EYS: variants seen among roughly 807,000 people sequenced by gnomAD.
The protein encoded by EYS is protein eyes shut homolog.
Under a neutral mutation model 282.1 loss-of-function variants are expected in EYS, and 250 were observed. The ratio of observed to expected loss-of-function variants is 0.89; its 90% confidence interval spans 0.80 to 0.98. The LOEUF is 0.98. Ranked by LOEUF, EYS falls within the 50% of genes least tolerant of loss-of-function variation. The probability of loss-of-function intolerance (pLI) is 0.00; values close to 1 mark genes in which losing one functional copy is unlikely to be tolerated. For missense variants in EYS, 4,016 were observed against 3,709.0 expected (o/e 1.08, Z -2.15); for synonymous variants, 1,355 against 1,282.9 (o/e 1.06, Z -1.20).
chr6:63,752,479 A>G (rs913907329), intron 41 of EYS, among the ~76,000 whole-genome samples: 4 of 148,862 alleles, frequency 2.7e-5, no homozygotes, highest in African/African-American at 1.0e-4. Context: ...CCAAGATAAC[A>G]TAATTGTTTA....
chr6:65,135,587 T>A (rs1372279402), intron 12 of EYS, among the ~76,000 whole-genome samples: 3 of 152,048 alleles, frequency 2.0e-5, no homozygotes, highest in Non-Finnish European at 4.4e-5. Context: ...TGGTTTAGCA[T>A]GAAAGTTTTC....
At chr6:63,927,084 G>C (rs1764737695) in intron 35 of EYS, among the ~76,000 whole-genome samples, 1 of 152,204 alleles carries the variant, frequency 6.6e-6, no homozygotes, top group African/African-American at 2.4e-5. Flanking sequence ...TGGAGTCATA[G>C]GAAAACTTGG....
intron 36 of EYS, among the ~76,000 whole-genome samples, chr6:63,863,663 CTTTTCTTTTTTCTTTTTTTT>C (rs1207438125): frequency 3.6e-5 from 2 of 55,792 alleles, no homozygotes; most frequent in Admixed American, 3.5e-4. Context: ...CTTTTCTTTT[CTTTTCTTTTTTCTTTTTTTT>C]TTTTTTTTTT....
At chr6:65,557,968 C>T (rs762933651) in intron 2 of EYS, among the ~76,000 whole-genome samples, 24 of 152,070 alleles carry the variant, frequency 1.6e-4, no homozygotes, top group Non-Finnish European at 2.9e-4. Flanking sequence ...GAAATCCATG[C>T]TGATTGGTTC....
intron 22 of EYS, among the ~76,000 whole-genome samples, chr6:64,641,753 C>G (rs1184595856): frequency 1.3e-5 from 2 of 152,076 alleles, no homozygotes; most frequent in Non-Finnish European, 1.5e-5. Flanking sequence ...GGTAAGGGAG[C>G]GTTACCTCCT....
chr6:64,912,602 A>AT lies in EYS; in HGVS notation c.2522dup (p.Tyr841Ter), dbSNP rs1186317535. ...GQFVCLCPPL[Y>*]TGQFCHQRYN... ...AGCGTTGGTGGCAAAATTGTCCAGT[A>AT]TAAAGGGGTGGGCACAGACATACAA... Residue 841 changes from tyrosine (Y) to a stop codon, truncating the protein, a stop_gained and frameshift_variant, in exon 16 of 43, where the codon TAT becomes TAAT. Coordinates refer to ENST00000503581, the MANE Select transcript of EYS (RefSeq NM_001142800.2). LOFTEE classifies it high-confidence loss of function. 6.4e-7 allele frequency: 1 copy of AT among 1,551,352 alleles called. No individual in the cohort carries two copies. The highest frequency in any genetic ancestry group is 2.4e-5 in the East Asian group (1 of 40,908).
At chr6:65,336,501 A>T (rs1315797229) in intron 10 of EYS, among the ~76,000 whole-genome samples, 3 of 151,630 alleles carry the variant, frequency 2.0e-5, no homozygotes, top group Admixed American at 6.6e-5. Context: ...ACAATTTTTT[A>T]AAATTCCATT....
chr6:64,181,701 A>C (rs1189344830), intron 31 of EYS, among the ~76,000 whole-genome samples: 1 of 152,064 alleles, frequency 6.6e-6, no homozygotes, highest in East Asian at 1.9e-4. Flanking sequence ...CCACTAAAAA[A>C]CGTGTTTTTT....
chr6:64,068,527 G>C (rs1771458582), intron 32 of EYS, among the ~76,000 whole-genome samples: 1 of 151,594 alleles, frequency 6.6e-6, no homozygotes, highest in Non-Finnish European at 1.5e-5. Context: ...GGGGGACGGG[G>C]GAGGGATAGC....
chr6:64,593,392 T>C, intron 24 of EYS, 83 bp from the exon 25 acceptor site: 1 of 1,081,630 alleles, frequency 9.2e-7, no homozygotes, highest in Non-Finnish European at 1.3e-6. Context: ...TTGAGATCCA[T>C]TTGCATTTCC....
chr6:63,991,553 G>A (rs1057293405), intron 34 of EYS, among the ~76,000 whole-genome samples: 1 of 151,494 alleles, frequency 6.6e-6, no homozygotes, highest in East Asian at 1.9e-4. Flanking sequence ...AAACTGTAAT[G>A]CCTGAATTTA....
intron 35 of EYS, among the ~76,000 whole-genome samples, chr6:63,924,924 G>A (rs1392819008): frequency 6.6e-5 from 10 of 152,166 alleles, no homozygotes; most frequent in African/African-American, 7.2e-5. Flanking sequence ...CACTGATTGC[G>A]TGGGGAACTA....
intron 5 of EYS, among the ~76,000 whole-genome samples, chr6:65,413,187 T>C (rs919765261): frequency 6.6e-6 from 1 of 152,172 alleles, no homozygotes; most frequent in African/African-American, 2.4e-5. Flanking sequence ...ATATCAGACT[T>C]TTTCTTATGT....
At chr6:64,192,715 A>T (rs189537805) in intron 31 of EYS, among the ~76,000 whole-genome samples, 262 of 152,312 alleles carry the variant, frequency 1.7e-3, no homozygotes, top group African/African-American at 5.7e-3. Flanking sequence ...TTAGACCTAA[A>T]ACCATAAAAA....
intron 26 of EYS, among the ~76,000 whole-genome samples, chr6:64,474,101 G>T (rs565797942): frequency 6.6e-6 from 1 of 152,050 alleles, no homozygotes; most frequent in African/African-American, 2.4e-5. Context: ...TCCAGAGCCC[G>T]GTAAATATCT....
At chr6:64,602,639 A>G (rs1018634637) in intron 24 of EYS, among the ~76,000 whole-genome samples, 13 of 152,126 alleles carry the variant, frequency 8.5e-5, no homozygotes, top group Admixed American at 7.9e-4. Flanking sequence ...GCTGAAGATG[A>G]GCTCAAAAGA....
intron 5 of EYS, among the ~76,000 whole-genome samples, chr6:65,462,565 T>C (rs1764859493): frequency 6.6e-6 from 1 of 152,066 alleles, no homozygotes; most frequent in Admixed American, 6.6e-5. Context: ...TGTAGTGTAT[T>C]ATTTACAGTA....
chr6:64,469,984 G>A (rs141482500), intron 26 of EYS, among the ~76,000 whole-genome samples: 360 of 152,188 alleles, frequency 2.4e-3, no homozygotes, highest in African/African-American at 8.1e-3. Flanking sequence ...CTCTCTCTCT[G>A]CCTTGGCTGC....
rs144278957 is a variant in EYS, at chr6:63,965,759, T to A, written c.7055+18624A>T. ...TGGCTTTTGGACCTTCCTTGGTATT[T>A]GTAAGATCTGGGGGAACGGCTCATT... On this transcript the variant is annotated intron_variant, in intron 35 of 42. Coordinates refer to ENST00000503581, the MANE Select transcript of EYS (RefSeq NM_001142800.2). Among the ~76,000 whole-genome samples, 258 of 152,314 alleles carry A rather than the reference T, an allele frequency of 1.7e-3. 3 individuals carry two copies. The East Asian group carries it at 0.042, about 25-fold the overall frequency.
Sources: gnomAD v4.1 joint callset for allele counts (sites outside exome capture counted in the v4.1 genomes callset) on GRCh38, gnomAD v4.1.1 for gene constraint, MANE v1.5 for transcripts, NCBI Gene and HGNC (gene_info 2026-07-23, HGNC 2026-07-21) for gene names.